The following PLEKHM3 variants were observed in gnomAD, a reference collection of about 807,000 sequenced individuals.
PLEKHM3 encodes pleckstrin homology domain containing M3, also known as pleckstrin homology domain-containing family M member 3.
Under a neutral mutation model 81.8 loss-of-function variants are expected in PLEKHM3, and 45 were observed. The observed-to-expected ratio is 0.55, with a 90% CI of 0.43 to 0.71. The LOEUF is 0.71. Ranked by LOEUF, PLEKHM3 falls within the 30% of genes least tolerant of loss-of-function variation. PLEKHM3 has a pLI of 0.00. For synonymous variants in PLEKHM3, 352 were observed against 356.4 expected (o/e 0.99, Z 0.14); for missense variants, 788 against 924.3 (o/e 0.85, Z 1.91).
chr2:207,982,440 T>G (rs1691562912), intron 2 of PLEKHM3, among the ~76,000 whole-genome samples: 1 of 152,112 alleles, frequency 6.6e-6, no homozygotes. Context: ...TGGTTCATTT[T>G]TTAATTTTTT....
At chr2:208,024,657 T>C (rs935082433) in intron 1 of PLEKHM3, among the ~76,000 whole-genome samples, 5 of 152,212 alleles carry the variant, frequency 3.3e-5, no homozygotes, top group Non-Finnish European at 7.3e-5. Context: ...CTCACTACGA[T>C]TACTTAAAAT....
chr2:207,834,943 G>GTTTT (rs1206255117), intron 7 of PLEKHM3, among the ~76,000 whole-genome samples: 1 of 140,136 alleles, frequency 7.1e-6, no homozygotes, highest in Non-Finnish European at 1.6e-5. Flanking sequence ...TCAACAACTT[G>GTTTT]TTTTTTTTTT....
At chr2:207,873,363 G>A (rs990384437) in intron 6 of PLEKHM3, among the ~76,000 whole-genome samples, 3 of 152,148 alleles carry the variant, frequency 2.0e-5, no homozygotes, top group Non-Finnish European at 4.4e-5. Context: ...CCATGCCTCA[G>A]TTTCCTCATC....
At position 207,843,797 on chromosome 2, in the gene PLEKHM3, C is replaced by T. The variant is rs1001538255; in HGVS notation, c.2109-15301G>A. 2.6e-5 allele frequency among the ~76,000 whole-genome samples: 4 copies of T among 152,020 alleles called. No individual in the cohort carries two copies. Among genetic ancestry groups the T allele is most frequent in the South Asian group, 2.1e-4 (1 of 4,824 alleles). ...CACAGATTCGCTTTCTGGAAAAAAACGTGGAATTTGGGGCGGGAGTGGTGG... is the reference window on the plus strand; with the variant it reads ...CACAGATTCGCTTTCTGGAAAAAAATGTGGAATTTGGGGCGGGAGTGGTGG... On this transcript the variant is annotated intron_variant, in intron 7 of 7. Transcript: ENST00000427836. This position sits in a 1 kb window ranked among gnomAD's most constrained non-coding sequence, Gnocchi z 4.4.
At chr2:207,912,581 A>C (rs1490222901) in intron 5 of PLEKHM3, among the ~76,000 whole-genome samples, 1 of 152,226 alleles carries the variant, frequency 6.6e-6, no homozygotes, top group Non-Finnish European at 1.5e-5. Context: ...AAGAGAGATA[A>C]TGCCAATCAC....
At chr2:207,926,846 A>G (rs1331454638) in intron 5 of PLEKHM3, among the ~76,000 whole-genome samples, 3 of 152,248 alleles carry the variant, frequency 2.0e-5, no homozygotes, top group Admixed American at 6.5e-5. Context: ...GCCTAAAAGC[A>G]AACTATGACT....
In PLEKHM3 at chr2:207,874,259, A is replaced by T. The variant is rs149250596; in HGVS notation, c.1951-12997T>A. Among the ~76,000 whole-genome samples, 976 of 152,214 alleles carry T rather than the reference A, an allele frequency of 6.4e-3. 14 individuals are homozygous for T. The highest frequency in any genetic ancestry group is 0.022 in the African/African-American group (904 of 41,538). ...CCATCAGGGAAAGCAAATAAGCTGG[A>T]TCCCTAACTCATCTCATAAAAACTG... On this transcript the variant is annotated intron_variant, in intron 6 of 7. Transcript: ENST00000427836.
chr2:207,981,097 C>T (rs112970871), intron 2 of PLEKHM3, among the ~76,000 whole-genome samples: 30 of 143,256 alleles, frequency 2.1e-4, no homozygotes, highest in African/African-American at 7.6e-4. Flanking sequence ...CACTGCACTA[C>T]AGCCTGGGCA....
Position 207,828,200 on chromosome 2 carries a change from A to G in PLEKHM3, c.*119T>C. On this transcript the variant is annotated 3_prime_UTR_variant, in exon 8 of 8. Coordinates refer to ENST00000427836, the MANE Select transcript of PLEKHM3 (RefSeq NM_001080475.3). ...TATATAAATAAATATATATATCTAT[A>G]TCTAGTTGAAGAGGATACATACTCT... 2 of 823,624 alleles carry G rather than the reference A, an allele frequency of 2.4e-6. No homozygotes were observed. The highest frequency in any genetic ancestry group is 3.8e-6 in the Non-Finnish European group (2 of 530,808). 51.0% of individuals were successfully genotyped at this position (823,624 alleles called of 1,614,324 possible).
intron 6 of PLEKHM3, among the ~76,000 whole-genome samples, chr2:207,873,258 T>C (rs1047258910): frequency 9.9e-5 from 15 of 152,180 alleles, no homozygotes; most frequent in Admixed American, 2.0e-4. Flanking sequence ...ATGAAGCTGA[T>C]TGAGATCTGA....
intron 2 of PLEKHM3, among the ~76,000 whole-genome samples, chr2:207,999,149 A>G (rs1417461346): frequency 6.6e-6 from 1 of 151,744 alleles, no homozygotes; most frequent in Non-Finnish European, 1.5e-5. Context: ...AGCCCAGCTA[A>G]TTTTTGTGTT....
chr2:207,847,842 TATC>T (rs1390443227), intron 7 of PLEKHM3, among the ~76,000 whole-genome samples: 1 of 152,094 alleles, frequency 6.6e-6, no homozygotes, highest in Non-Finnish European at 1.5e-5. Flanking sequence ...AGAAAGGAAA[TATC>T]ATTAAAAAAT....
chr2:207,877,469 T>C (rs536359162), intron 6 of PLEKHM3, among the ~76,000 whole-genome samples: 29 of 152,236 alleles, frequency 1.9e-4, no homozygotes, highest in African/African-American at 5.5e-4. Context: ...GTTGTAGAGG[T>C]TTCAGTTTTC....
intron 5 of PLEKHM3, among the ~76,000 whole-genome samples, chr2:207,911,271 T>C (rs1319373154): frequency 6.6e-6 from 1 of 152,194 alleles, no homozygotes; most frequent in Non-Finnish European, 1.5e-5. Flanking sequence ...ACTTTGGTAG[T>C]CTGCAATTTT....
At chr2:207,901,614 G>A (rs1002910277) in intron 6 of PLEKHM3, among the ~76,000 whole-genome samples, 2 of 152,210 alleles carry the variant, frequency 1.3e-5, no homozygotes, top group Non-Finnish European at 1.5e-5. Context: ...CTGCTCTCTT[G>A]AGAAACAGCA....
chr2:207,884,177 G>T (rs187422467), intron 6 of PLEKHM3, among the ~76,000 whole-genome samples: 5 of 101,546 alleles, frequency 4.9e-5, no homozygotes, highest in Non-Finnish European at 5.4e-5. Context: ...ACTAGGAATA[G>T]AAATGAACTT....
chr2:207,848,365 G>GT (rs1241403527), intron 7 of PLEKHM3, among the ~76,000 whole-genome samples: 6 of 152,136 alleles, frequency 3.9e-5, no homozygotes, highest in Non-Finnish European at 8.8e-5. Flanking sequence ...GGGCTTGATG[G>GT]TTTTTTTGGC....
chr2:207,940,653 G>A (rs1236435717), intron 4 of PLEKHM3, among the ~76,000 whole-genome samples: 1 of 152,170 alleles, frequency 6.6e-6, no homozygotes, highest in Non-Finnish European at 1.5e-5. Context: ...CCAAGCTCCT[G>A]CTATTAATCC....
chr2:207,922,572 G>T (rs530071326), intron 5 of PLEKHM3, among the ~76,000 whole-genome samples: 1 of 152,058 alleles, frequency 6.6e-6, no homozygotes, highest in African/African-American at 2.4e-5. Flanking sequence ...CAGCACTTTG[G>T]GAGGCCGAGG....
Sources: allele counts gnomAD v4.1 joint callset (sites outside exome capture counted in the v4.1 genomes callset), GRCh38; gene constraint gnomAD v4.1.1; non-coding constraint Gnocchi (gnomAD v3.1); transcripts MANE v1.5; gene names NCBI Gene and HGNC (gene_info 2026-07-23, HGNC 2026-07-21).